DMD: variants seen among roughly 807,000 people sequenced by gnomAD.
The protein encoded by DMD is dystrophin, also known as mutant dystrophin.
Under a neutral mutation model 330.1 loss-of-function variants are expected in DMD, and 63 were observed. The observed-to-expected ratio is 0.19, with a 90% CI of 0.16 to 0.24. The LOEUF (loss-of-function observed/expected upper bound fraction) is 0.24, where lower values mean the gene tolerates loss of function less well. Among genes scored for constraint, DMD ranks in the 10% least tolerant of loss-of-function variants. DMD has a pLI of 1.00. For missense variants in DMD, 3,344 were observed against 2,684.1 expected (o/e 1.25, Z -5.43); for synonymous variants, 1,223 against 959.8 (o/e 1.27, Z -5.07).
intron 1 of DMD, among the ~76,000 whole-genome samples, chrX:33,332,051 T>C (rs1428757939): frequency 8.9e-6 from 1 of 111,912 alleles, no homozygotes; most frequent in African/African-American, 3.2e-5. Context: ...TTTCCAACAC[T>C]ATCAAAGGAG....
At position 32,816,533 on chromosome X, in the gene DMD, A is replaced by G. The variant is rs2148806561; in HGVS notation, c.465T>C (p.Asn155=). Residue 155 remains asparagine (N), a synonymous_variant, in exon 6 of 79, where the codon AAT becomes AAC. Transcript: ENST00000357033. ...RQSTRNYPQV[N]VINFTTSWSD... ...ACCAGCTGGTGGTGAAGTTGATTAC[A>G]TTAACCTGTGGATAATTACGAGTTG... 2 of 1,211,870 alleles carry G rather than the reference A, an allele frequency of 1.7e-6. No homozygotes were observed. The highest frequency in any genetic ancestry group is 1.1e-6 in the Non-Finnish European group (1 of 895,401).
Position 33,133,887 on chromosome X carries a change from G to A in DMD, c.31+77395C>T, listed in dbSNP as rs750274871. On this transcript the variant is annotated intron_variant, in intron 1 of 78. Coordinates refer to ENST00000357033, the MANE Select transcript of DMD (RefSeq NM_004006.3). ...TTTTGATTGCATATCTTTCCCATAG[G>A]GTTACAGCAAGTTTGAAGGAAAATC... Among the ~76,000 whole-genome samples, 4 of 111,356 alleles carry A rather than the reference G, an allele frequency of 3.6e-5. No individual in the cohort carries two copies. In the South Asian group the frequency reaches 1.1e-3, roughly 31 times the overall value.
chrX:31,560,569 T>C (rs1031715246), intron 55 of DMD, among the ~76,000 whole-genome samples: 2 of 110,838 alleles, frequency 1.8e-5, no homozygotes, highest in African/African-American at 6.6e-5. Context: ...CATTTCAAAA[T>C]AGACACTCGA....
rs150307396 is a variant in DMD, at chrX:31,166,503, C to G, written c.10553+2940G>C. Among the ~76,000 whole-genome samples, 200 of 111,787 alleles carry G rather than the reference C, an allele frequency of 1.8e-3. 1 individual carries two copies. The highest frequency in any genetic ancestry group is 6.3e-3 in the African/African-American group (194 of 30,751). The stretch of plus-strand genomic sequence containing the variant: ...TTTTAAATATACTTTCTTATTTTCT[C>G]TAAAAGTATGCTCGTATTTGTCAGA... On this transcript the variant is annotated intron_variant, in intron 74 of 78. Transcript: ENST00000357033.
At chrX:32,397,431 T>G (rs918077564) in intron 30 of DMD, among the ~76,000 whole-genome samples, 1 of 111,804 alleles carries the variant, frequency 8.9e-6, no homozygotes, top group Non-Finnish European at 1.9e-5. Flanking sequence ...CTCAATCCAG[T>G]ACCTTTCAGA....
intron 44 of DMD, among the ~76,000 whole-genome samples, chrX:31,976,996 C>T (rs2095440692): frequency 9.0e-6 from 1 of 111,599 alleles, no homozygotes; most frequent in African/African-American, 3.3e-5. Flanking sequence ...AATGGGGACA[C>T]CCTAGAAAAT....
intron 56 of DMD, 30 bp from the exon 57 acceptor site, chrX:31,496,974 G>A (rs1373456856): frequency 8.4e-7 from 1 of 1,185,561 alleles, no homozygotes; most frequent in South Asian, 1.8e-5. Context: ...TACCATGTCA[G>A]AATATCTAGA....
chrX:31,647,530 C>A (rs1446073735), intron 54 of DMD, among the ~76,000 whole-genome samples: 1 of 111,816 alleles, frequency 8.9e-6, no homozygotes, highest in Non-Finnish European at 1.9e-5. Context: ...AGCATGAAAA[C>A]TGTATTTGGT....
chrX:31,496,840 G>T lies in DMD; in HGVS notation c.8495C>A (p.Ala2832Glu). The change falls in exon 57 of 79, where the codon GCA (alanine) becomes GAA (glutamate). Residue 2832 changes from alanine to glutamate, a missense_variant. Transcript: ENST00000357033. Reference protein sequence around the residue: ...QLKDDELSRQAPIGGDFPAVQ... With the variant: ...QLKDDELSRQEPIGGDFPAVQ... ...TGCTGGAAAGTCGCCTCCAATAGGT[G>T]CCTGCCGGCTTAATTCATCATCTTT... is the stretch of plus-strand genomic sequence containing the variant. 1 of 1,211,846 alleles carries T rather than the reference G, an allele frequency of 8.3e-7. No homozygotes were observed. The highest frequency in any genetic ancestry group is 1.8e-5 in the South Asian group (1 of 56,962).
At chrX:31,899,349 T>A (rs2094391619) in intron 47 of DMD, among the ~76,000 whole-genome samples, 3 of 109,680 alleles carry the variant, frequency 2.7e-5, no homozygotes, top group Non-Finnish European at 5.7e-5. Flanking sequence ...TTTTTTTTTT[T>A]AACCATTTTT....
chrX:31,661,878 A>G (rs2081147220), intron 53 of DMD, among the ~76,000 whole-genome samples: 1 of 112,269 alleles, frequency 8.9e-6, no homozygotes, highest in Admixed American at 9.5e-5. Context: ...TATTCACAGT[A>G]TCTTAGGTAG....
rs1367437529 is a variant in DMD, at chrX:32,644,313, C to A, written c.1150G>T (p.Gly384Trp). Residue 384 changes from glycine (G) to tryptophan (W), a missense_variant and splice_region_variant, in exon 11 of 79, where the codon GGG becomes TGG. By Grantham distance (184) the Gly-to-Trp change is radical. Transcript: ENST00000357033. ...VVKDQFHTHE[G>W]YMMDLTAHQG... is the part of the protein sequence containing the mutation. ...TGGGCTGTCAAATCCATCATGTACC[C>A]CTGACAAAGAAGGAAGTTAACAATT... 1.7e-6 allele frequency: 2 copies of A among 1,207,753 alleles called. No individual in the cohort carries two copies. Among genetic ancestry groups the A allele is most frequent in the South Asian group, 1.8e-5 (1 of 56,711 alleles).
chrX:33,330,781 C>T (rs1249733244), intron 1 of DMD, among the ~76,000 whole-genome samples: 1 of 111,656 alleles, frequency 9.0e-6, no homozygotes, highest in Non-Finnish European at 1.9e-5. Flanking sequence ...TGTCGCTTTA[C>T]CCTTTACTTT....
intron 60 of DMD, among the ~76,000 whole-genome samples, chrX:31,359,578 AT>A (rs2058833432): frequency 8.9e-6 from 1 of 112,402 alleles, no homozygotes; most frequent in Admixed American, 9.4e-5. Context: ...TTTATAGAGC[AT>A]TTACTATATC....
At chrX:31,681,019 A>AACTT (rs969893914) in intron 52 of DMD, among the ~76,000 whole-genome samples, 1 of 110,994 alleles carries the variant, frequency 9.0e-6, no homozygotes, top group Non-Finnish European at 1.9e-5. Flanking sequence ...TCTCATATAT[A>AACTT]ACTTCTTTCC....
chrX:33,207,662 T>C (rs777665223), intron 1 of DMD, among the ~76,000 whole-genome samples: 3 of 111,497 alleles, frequency 2.7e-5, no homozygotes, highest in Non-Finnish European at 5.7e-5. Context: ...AACTTTGATA[T>C]CTGTATTAAA....
chrX:32,624,219 AG>A (rs2058190156), intron 11 of DMD, among the ~76,000 whole-genome samples: 1 of 112,131 alleles, frequency 8.9e-6, no homozygotes, highest in East Asian at 2.8e-4. Flanking sequence ...GGAAAGTAAA[AG>A]CAAAAGGTGA....
intron 30 of DMD, among the ~76,000 whole-genome samples, chrX:32,393,998 C>G (rs2098022441): frequency 9.0e-6 from 1 of 111,508 alleles, no homozygotes; most frequent in African/African-American, 3.3e-5. Flanking sequence ...AAGGAGCACT[C>G]TAATAAAAAT....
rs2095265720 is a variant in DMD, at chrX:31,958,122, A to ATTTT, written c.6614+10216_6614+10217insAAAA. ...TTTTTTTTTTTTTTTTTTTTTTTTA[A>ATTTT]AAATGGTACAGTCTTGGTGCAGCTG... On this transcript the variant is annotated intron_variant, in intron 45 of 78. Transcript: ENST00000357033. Among the ~76,000 whole-genome samples, 105 of 83,476 alleles carry ATTTT rather than the reference A, an allele frequency of 1.3e-3. 1 individual carries two copies. Among genetic ancestry groups the ATTTT allele is most frequent in the Non-Finnish European group, 2.1e-3 (92 of 43,212 alleles). The allele number at this position is 83,476 out of a possible 115,157, so 72.5% of individuals were successfully genotyped here.
Sources: gnomAD v4.1 joint callset for allele counts (sites outside exome capture counted in the v4.1 genomes callset) on GRCh38, gnomAD v4.1.1 for gene constraint, MANE v1.5 for transcripts, NCBI Gene and HGNC (gene_info 2026-07-23, HGNC 2026-07-21) for gene names.